ZDHHC21: variants seen among roughly 807,000 people sequenced by gnomAD.
The protein encoded by ZDHHC21 is palmitoyltransferase ZDHHC21.
In ZDHHC21, 15 loss-of-function variants were observed where a neutral mutation model predicts 34.6. The ratio of observed to expected loss-of-function variants is 0.43; its 90% confidence interval spans 0.29 to 0.67. ZDHHC21 has a LOEUF of 0.67. Among genes scored for constraint, ZDHHC21 ranks in the 30% least tolerant of loss-of-function variants. The probability of loss-of-function intolerance (pLI) is 0.14; values close to 1 mark genes in which losing one functional copy is unlikely to be tolerated. For synonymous variants in ZDHHC21, 142 were observed against 101.8 expected, an observed-to-expected ratio of 1.40 and a Z score of -2.38; for missense variants, 344 against 327.7, an observed-to-expected ratio of 1.05 and a Z score of -0.38.
the ZDHHC21 span, among the ~76,000 whole-genome samples, chr9:14,603,618 C>T: frequency 5.9e-5 from 9 of 152,148 alleles, no homozygotes; most frequent in Non-Finnish European, 1.5e-5. Flanking sequence ...AATCTACCCT[C>T]ATGTGATATA....
chr9:14,658,022 A>G (rs564506519), intron 7 of ZDHHC21, among the ~76,000 whole-genome samples: 1 of 152,334 alleles, frequency 6.6e-6, no homozygotes, highest in South Asian at 2.1e-4. Context: ...TTTTTAAAGC[A>G]TCCTGCAAAT....
chr9:14,652,804 G>C (rs117456536), intron 7 of ZDHHC21, among the ~76,000 whole-genome samples: 2 of 151,434 alleles, frequency 1.3e-5, no homozygotes, highest in Admixed American at 1.3e-4. Context: ...CATTTTTTTT[G>C]TTGTTGTTGT....
At position 14,616,425 on chromosome 9, in the gene ZDHHC21, C is replaced by T. The variant is rs1824170774; in HGVS notation, c.*2541G>A. ...TGAACTAGAAATAACATCATAAAAA[C>T]ATGTTCATTTTCATAAAATTTTACA... On this transcript the variant is annotated 3_prime_UTR_variant, in exon 10 of 10. Coordinates refer to ENST00000380916, the MANE Select transcript of ZDHHC21 (RefSeq NM_178566.6). The T allele has an allele frequency of 6.6e-6, 1 of 151,758 alleles. No individual in the cohort carries two copies. Among genetic ancestry groups the T allele is most frequent in the Non-Finnish European group, 1.5e-5 (1 of 67,786 alleles). The allele number at this position is 151,758 out of a possible 1,614,324, so 9.4% of individuals were successfully genotyped here.
chr9:14,656,609 A>C (rs1832256346), intron 7 of ZDHHC21, among the ~76,000 whole-genome samples: 1 of 151,966 alleles, frequency 6.6e-6, no homozygotes, highest in East Asian at 1.9e-4. Context: ...ATAAAAGTAC[A>C]CCGCTTGATA....
chr9:14,626,816 G>C (rs986162589), intron 8 of ZDHHC21, among the ~76,000 whole-genome samples: 1 of 151,618 alleles, frequency 6.6e-6, no homozygotes, highest in African/African-American at 2.4e-5. Context: ...AAAAAGAAGG[G>C]ACACTTTAAA....
chr9:14,679,977 T>C (rs1001662964), intron 3 of ZDHHC21, 56 bp downstream of exon 3: 7 of 152,560 alleles, frequency 4.6e-5, no homozygotes, highest in African/African-American at 9.6e-5. Flanking sequence ...ACTCCAAGGA[T>C]ACTATGGCCC....
chr9:14,591,552 A>C, the ZDHHC21 span, among the ~76,000 whole-genome samples: 1 of 152,188 alleles, frequency 6.6e-6, no homozygotes, highest in African/African-American at 2.4e-5. Flanking sequence ...ATAATAATCA[A>C]ACAGCAAGAT....
At chr9:14,642,174 G>A (rs1036994310) in intron 7 of ZDHHC21, among the ~76,000 whole-genome samples, 17 of 152,036 alleles carry the variant, frequency 1.1e-4, no homozygotes, top group Admixed American at 7.2e-4. Flanking sequence ...AAATACAGTA[G>A]TAAAAAAACT....
At chr9:14,660,258 C>A (rs992755090) in intron 6 of ZDHHC21, among the ~76,000 whole-genome samples, 3 of 149,322 alleles carry the variant, frequency 2.0e-5, no homozygotes, top group Admixed American at 1.4e-4. Context: ...CCCAGCTACT[C>A]GGGAGGCTGA....
chr9:14,602,723 G>A, the ZDHHC21 span, among the ~76,000 whole-genome samples: 1 of 151,986 alleles, frequency 6.6e-6, no homozygotes, highest in Non-Finnish European at 1.5e-5. Context: ...CTCACAACAT[G>A]AATGAATCTC....
In ZDHHC21 at chr9:14,612,020, G is replaced by C. The variant is rs958715904; in HGVS notation, c.*6946C>G. 2.0e-5 allele frequency: 3 copies of C among 151,890 alleles called. No homozygotes were observed. Among genetic ancestry groups the C allele is most frequent in the Admixed American group, 1.3e-4 (2 of 15,222 alleles). 9.4% of individuals were successfully genotyped at this position (151,890 alleles called of 1,614,324 possible). On this transcript the variant is annotated 3_prime_UTR_variant, in exon 10 of 10. Transcript: ENST00000380916. ...ATGCATTTAAATCACGCATAAACAA[G>C]CCAAATTACTCAGAATCAATACAGT...
intron 8 of ZDHHC21, among the ~76,000 whole-genome samples, chr9:14,626,409 C>A (rs888947957): frequency 4.6e-5 from 7 of 151,762 alleles, no homozygotes; most frequent in Non-Finnish European, 5.9e-5. Flanking sequence ...AGTTTCCTTA[C>A]GAACACTTTT....
intron 8 of ZDHHC21, among the ~76,000 whole-genome samples, chr9:14,631,080 G>A (rs759734587): frequency 3.9e-5 from 6 of 152,158 alleles, no homozygotes; most frequent in Non-Finnish European, 5.9e-5. Context: ...GCCAGGTATC[G>A]ACTTCTCCTC....
chr9:14,692,441 C>G (rs962880864), intron 1 of ZDHHC21, among the ~76,000 whole-genome samples: 26 of 152,098 alleles, frequency 1.7e-4, no homozygotes, highest in African/African-American at 6.0e-4. Context: ...CCACAATGAC[C>G]TTGATTTTTT....
At chr9:14,604,424 G>C in the ZDHHC21 span, among the ~76,000 whole-genome samples, 3 of 152,048 alleles carry the variant, frequency 2.0e-5, no homozygotes, top group Non-Finnish European at 4.4e-5. Context: ...TGTAAAATTT[G>C]AAAATAGTAT....
chr9:14,590,883 TAAC>T, the ZDHHC21 span, among the ~76,000 whole-genome samples: 4 of 152,226 alleles, frequency 2.6e-5, no homozygotes, highest in East Asian at 7.7e-4. Context: ...TTTAAAAAGA[TAAC>T]TGACTGGCAA....
chr9:14,692,192 G>C (rs1005905418), intron 1 of ZDHHC21, among the ~76,000 whole-genome samples: 4 of 152,150 alleles, frequency 2.6e-5, no homozygotes, highest in African/African-American at 7.2e-5. Flanking sequence ...AATCTAAAGA[G>C]TTGGAAGAAT....
At position 14,613,827 on chromosome 9, in the gene ZDHHC21, G is replaced by A. The variant is rs1287976294; in HGVS notation, c.*5139C>T. ...TAAGAGATTTCCAGAAAAGGTGCCA[G>A]TTTTTTCAAACTTTGGTCAACCTAT... On this transcript the variant is annotated 3_prime_UTR_variant, in exon 10 of 10. Transcript: ENST00000380916. 2.0e-5 allele frequency: 3 copies of A among 151,624 alleles called. No homozygotes were observed. Among genetic ancestry groups the A allele is most frequent in the Non-Finnish European group, 4.4e-5 (3 of 67,708 alleles). 9.4% of individuals were successfully genotyped at this position (151,624 alleles called of 1,614,324 possible).
At chr9:14,673,710 TTCAATTTATTTTAA>T (rs1292127450) in intron 4 of ZDHHC21, among the ~76,000 whole-genome samples, 1 of 143,626 alleles carries the variant, frequency 7.0e-6, no homozygotes, top group Admixed American at 7.0e-5. Flanking sequence ...AATATATAAT[TTCAATTTATTTTAA>T]TCATAAGCAA....
Sources: gnomAD v4.1 joint callset for allele counts (sites outside exome capture counted in the v4.1 genomes callset) on GRCh38, gnomAD v4.1.1 for gene constraint, MANE v1.5 for transcripts, NCBI Gene and HGNC (gene_info 2026-07-23, HGNC 2026-07-21) for gene names.